The following KAZN variants were observed in gnomAD, a reference collection of about 807,000 sequenced individuals.
KAZN encodes the protein kazrin.
Under a neutral mutation model 87.4 loss-of-function variants are expected in KAZN, and 40 were observed. The ratio of observed to expected loss-of-function variants is 0.46; its 90% CI spans 0.36 to 0.60. The LOEUF (loss-of-function observed/expected upper bound fraction) is 0.60, where lower values mean the gene tolerates loss of function less well. Among genes scored for constraint, KAZN ranks in the 20% least tolerant of loss-of-function variants. The pLI, the probability that KAZN is intolerant of heterozygous loss-of-function variation, is 0.00. For missense variants in KAZN, 898 were observed against 1,073.9 expected, an observed-to-expected ratio of 0.84 and a Z score of 2.29; for synonymous variants, 466 against 458.3, an observed-to-expected ratio of 1.02 and a Z score of -0.22.
chr1:14,176,153 A>G, intron 1 of KAZN, among the ~76,000 whole-genome samples: 1 of 152,220 alleles, frequency 6.6e-6, no homozygotes, highest in East Asian at 1.9e-4. Context: ...TCTTCTGAGT[A>G]AATATCAAAT....
chr1:14,763,781 G>A (rs1266814712), intron 1 of KAZN, among the ~76,000 whole-genome samples: 3 of 152,126 alleles, frequency 2.0e-5, no homozygotes, highest in Non-Finnish European at 4.4e-5. Flanking sequence ...ATGGAGTCTT[G>A]CTCTGTTGCC....
At chr1:14,657,962 G>A (rs1638910373) in intron 1 of KAZN, among the ~76,000 whole-genome samples, 1 of 152,194 alleles carries the variant, frequency 6.6e-6, no homozygotes, top group Non-Finnish European at 1.5e-5. Flanking sequence ...GCCACGTGAA[G>A]TGGTCTATCT....
At chr1:14,136,679 G>A (rs900463844) in intron 1 of KAZN, among the ~76,000 whole-genome samples, 3 of 152,124 alleles carry the variant, frequency 2.0e-5, no homozygotes, top group Non-Finnish European at 4.4e-5. Context: ...GAAGGCCAGG[G>A]ATGGGAATGT....
intron 1 of KAZN, among the ~76,000 whole-genome samples, chr1:14,934,018 G>A (rs1660152580): frequency 2.0e-5 from 3 of 151,676 alleles, no homozygotes; most frequent in East Asian, 2.0e-4. Flanking sequence ...ACTACGCCTG[G>A]CTATTTTTTT....
At chr1:14,275,393 C>T in intron 2 of KAZN, among the ~76,000 whole-genome samples, 1 of 151,090 alleles carries the variant, frequency 6.6e-6, no homozygotes, top group Non-Finnish European at 1.5e-5. Flanking sequence ...TTATAAAAAG[C>T]CCTCCAGGTA....
intron 2 of KAZN, among the ~76,000 whole-genome samples, chr1:14,271,035 A>G (rs755450824): frequency 1.3e-5 from 2 of 152,142 alleles, no homozygotes; most frequent in Non-Finnish European, 2.9e-5. Flanking sequence ...AACAACAGAA[A>G]TTTATTTTCT....
At chr1:14,268,576 T>A (rs1034088245) in intron 2 of KAZN, among the ~76,000 whole-genome samples, 2 of 152,160 alleles carry the variant, frequency 1.3e-5, no homozygotes, top group Non-Finnish European at 2.9e-5. Context: ...CATTCTGCTC[T>A]CACCTCTGTT....
intron 2 of KAZN, among the ~76,000 whole-genome samples, chr1:14,392,200 G>T (rs1235002720): frequency 2.0e-5 from 3 of 152,162 alleles, no homozygotes; most frequent in Non-Finnish European, 4.4e-5. Context: ...TTCCAGAGAA[G>T]ACCACAAAAT....
intron 1 of KAZN, among the ~76,000 whole-genome samples, chr1:13,910,260 G>A (rs969951906): frequency 9.2e-5 from 14 of 152,164 alleles, no homozygotes; most frequent in South Asian, 2.1e-4. Context: ...TGTAATCCCA[G>A]CACTTTGGGA....
chr1:14,052,529 G>A (rs1642382029), intron 1 of KAZN, among the ~76,000 whole-genome samples: 1 of 149,870 alleles, frequency 6.7e-6, no homozygotes, highest in Non-Finnish European at 1.5e-5. Flanking sequence ...AGGACAGGGT[G>A]TGGGGTGGAA....
At chr1:14,073,601 C>G (rs1413469954) in intron 1 of KAZN, among the ~76,000 whole-genome samples, 3 of 151,962 alleles carry the variant, frequency 2.0e-5, no homozygotes, top group African/African-American at 4.8e-5. Flanking sequence ...CTCCCTGTGT[C>G]CATGTGTTCT....
intron 2 of KAZN, among the ~76,000 whole-genome samples, chr1:14,386,826 C>T (rs945022460): frequency 1.3e-5 from 2 of 151,946 alleles, no homozygotes; most frequent in African/African-American, 2.4e-5. Context: ...ATCTTTGTGG[C>T]GTTCTCTGTA....
chr1:14,616,511 A>G (rs758429880), intron 1 of KAZN, among the ~76,000 whole-genome samples: 5 of 152,146 alleles, frequency 3.3e-5, no homozygotes, highest in African/African-American at 7.2e-5. Context: ...CCAAATTAAA[A>G]CACTATAATT....
rs1650880127 is a variant in KAZN, at chr1:14,861,750, T to C, written c.227-98934T>C. Reference sequence around the variant, plus strand: ...GACCCAAGCAGAGCTAGAGACACAATGAGACTTTGACTGAGACCCCTGCCC... The same window carrying C: ...GACCCAAGCAGAGCTAGAGACACAACGAGACTTTGACTGAGACCCCTGCCC... On this transcript the variant is annotated intron_variant, in intron 1 of 14. Coordinates refer to ENST00000376030, the MANE Select transcript of KAZN (RefSeq NM_201628.3). Among the ~76,000 whole-genome samples the C allele has an allele frequency of 2.0e-5, 3 of 152,152 alleles. 1 individual carries two copies. The South Asian group carries it at 6.2e-4, about 32-fold the overall frequency.
At chr1:14,399,474 G>A (rs16850206) in intron 2 of KAZN, among the ~76,000 whole-genome samples, 1,621 of 151,716 alleles carry the variant, frequency 0.011, 19 homozygotes, top group East Asian at 0.034. Context: ...CATTGGTAAA[G>A]GTAATTTAAG....
intron 2 of KAZN, among the ~76,000 whole-genome samples, chr1:15,009,294 C>A (rs542313531): frequency 6.6e-6 from 1 of 152,340 alleles, no homozygotes; most frequent in South Asian, 2.1e-4. Flanking sequence ...ATTCCCCTCC[C>A]GCACCCAGAA....
intron 2 of KAZN, among the ~76,000 whole-genome samples, chr1:14,236,427 G>A (rs1648426014): frequency 6.6e-6 from 1 of 152,162 alleles, no homozygotes; most frequent in Non-Finnish European, 1.5e-5. Flanking sequence ...CTCAGGGTAG[G>A]AAAATCCATT....
intron 2 of KAZN, among the ~76,000 whole-genome samples, chr1:14,208,363 A>G (rs1227510731): frequency 6.6e-6 from 1 of 152,216 alleles, no homozygotes; most frequent in Admixed American, 6.5e-5. Flanking sequence ...AAAATTATCA[A>G]GGTAGTTTGC....
intron 2 of KAZN, among the ~76,000 whole-genome samples, chr1:14,548,441 C>T (rs926090593): frequency 9.2e-5 from 14 of 152,198 alleles, no homozygotes; most frequent in South Asian, 6.2e-4. Flanking sequence ...TCAGGTGATC[C>T]GCCCACCTCT....
Sources: gnomAD v4.1 joint callset for allele counts (sites outside exome capture counted in the v4.1 genomes callset) on GRCh38, gnomAD v4.1.1 for gene constraint, MANE v1.5 for transcripts, NCBI Gene and HGNC (gene_info 2026-07-23, HGNC 2026-07-21) for gene names.